LOC128092252: variants seen among roughly 807,000 people sequenced by gnomAD.
chr15:50,681,037 G>C, the LOC128092252 span, among the ~76,000 whole-genome samples: 2 of 152,236 alleles, frequency 1.3e-5, no homozygotes, highest in South Asian at 4.1e-4. Flanking sequence ...CAGATCACGA[G>C]GTCAGGAGTT....
chr15:50,649,393 C>G, the LOC128092252 span, among the ~76,000 whole-genome samples: 1 of 149,732 alleles, frequency 6.7e-6, no homozygotes, highest in Non-Finnish European at 1.5e-5. Context: ...TTGGTCACAC[C>G]ACTGTGCTCC....
the LOC128092252 span, among the ~76,000 whole-genome samples, chr15:50,684,098 A>C: frequency 6.6e-6 from 1 of 151,562 alleles, no homozygotes; most frequent in Non-Finnish European, 1.5e-5. Context: ...GTGATCCGGG[A>C]TCAGCCTGTC....
At chr15:50,659,008 C>T in the LOC128092252 span, among the ~76,000 whole-genome samples, 4 of 152,030 alleles carry the variant, frequency 2.6e-5, no homozygotes, top group Non-Finnish European at 5.9e-5. Flanking sequence ...ACCATCCTGG[C>T]TAACGCAGTG....
At chr15:50,674,016 T>C in the LOC128092252 span, among the ~76,000 whole-genome samples, 1 of 152,008 alleles carries the variant, frequency 6.6e-6, no homozygotes, top group Non-Finnish European at 1.5e-5. Context: ...TGAGATGGAG[T>C]TTTACTCTGT....
the LOC128092252 span, among the ~76,000 whole-genome samples, chr15:50,658,927 A>G: frequency 0.54 from 82,039 of 152,096 alleles, 22,365 homozygotes; most frequent in Admixed American, 0.62. Flanking sequence ...GGCCAGGCGC[A>G]GTGGCTCACG....
At chr15:50,682,081 G>C in the LOC128092252 span, among the ~76,000 whole-genome samples, 66 of 145,766 alleles carry the variant, frequency 4.5e-4, no homozygotes, top group Non-Finnish European at 7.9e-4. Context: ...GAGAGGCTGA[G>C]GCAGGAGAAT....
At chr15:50,659,858 C>T in the LOC128092252 span, among the ~76,000 whole-genome samples, 54,447 of 151,736 alleles carry the variant, frequency 0.36, 10,751 homozygotes, top group Admixed American at 0.48. Context: ...AGTAGAGACG[C>T]GGTTTCACCA....
At chr15:50,658,157 A>G in the LOC128092252 span, among the ~76,000 whole-genome samples, 1 of 152,042 alleles carries the variant, frequency 6.6e-6, no homozygotes, top group Non-Finnish European at 1.5e-5. Context: ...GGCTCCTGCC[A>G]CCATGCCCGG....
the LOC128092252 span, among the ~76,000 whole-genome samples, chr15:50,650,508 A>G: frequency 6.6e-6 from 1 of 152,154 alleles, no homozygotes; most frequent in South Asian, 2.1e-4. Context: ...CAGCCTGACC[A>G]ATATGGTGAA....
At chr15:50,677,849 A>C in the LOC128092252 span, among the ~76,000 whole-genome samples, 4 of 152,040 alleles carry the variant, frequency 2.6e-5, no homozygotes, top group African/African-American at 9.7e-5. Context: ...GGACAGGAAA[A>C]TGTGACCCAT....
chr15:50,652,504 C>A, the LOC128092252 span, among the ~76,000 whole-genome samples: 1 of 139,646 alleles, frequency 7.2e-6, no homozygotes. Flanking sequence ...CCAGCCTGGA[C>A]AATACAGCAA....
At chr15:50,686,506 G>A in the LOC128092252 span, 2 of 1,613,744 alleles carry the variant, frequency 1.2e-6, no homozygotes, top group Non-Finnish European at 1.7e-6. Flanking sequence ...ACCATTCCCC[G>A]CCCGGGCCTG....
At chr15:50,664,074 C>A in the LOC128092252 span, among the ~76,000 whole-genome samples, 1 of 151,960 alleles carries the variant, frequency 6.6e-6, no homozygotes, top group South Asian at 2.1e-4. Flanking sequence ...CTGAGGTGGG[C>A]GGATCACAAA....
At chr15:50,654,550 A>T in the LOC128092252 span, among the ~76,000 whole-genome samples, 1 of 151,308 alleles carries the variant, frequency 6.6e-6, no homozygotes, top group Admixed American at 6.6e-5. Flanking sequence ...GTAGACAAAG[A>T]CTCTAATGCA....
chr15:50,660,155 T>G, the LOC128092252 span, among the ~76,000 whole-genome samples: 1 of 152,206 alleles, frequency 6.6e-6, no homozygotes, highest in East Asian at 1.9e-4. Context: ...TAATAAAACA[T>G]ATCTTTAACA....
At chr15:50,653,543 C>T in the LOC128092252 span, among the ~76,000 whole-genome samples, 5 of 152,166 alleles carry the variant, frequency 3.3e-5, no homozygotes, top group Admixed American at 1.3e-4. Flanking sequence ...AGAAGAAACA[C>T]GAAGCTGTGA....
At chr15:50,657,966 T>C in the LOC128092252 span, 43 of 548,550 alleles carry the variant, frequency 7.8e-5, no homozygotes, top group South Asian at 6.1e-4. Context: ...TATACCTTGA[T>C]TTATAATTCA....
chr15:50,649,437 C>CAAAAA, the LOC128092252 span, among the ~76,000 whole-genome samples: 7 of 92,786 alleles, frequency 7.5e-5, no homozygotes, highest in Non-Finnish European at 1.5e-4. Flanking sequence ...GACCCCAACT[C>CAAAAA]AAAAAAAAAA....
the LOC128092252 span, among the ~76,000 whole-genome samples, chr15:50,665,490 C>T: frequency 6.6e-6 from 1 of 151,614 alleles, no homozygotes; most frequent in Non-Finnish European, 1.5e-5. Context: ...TCACTGATCA[C>T]AATGCAATTA....
Sources: gnomAD v4.1 joint callset for allele counts (sites outside exome capture counted in the v4.1 genomes callset) on GRCh38, gnomAD v4.1.1 for gene constraint, MANE v1.5 for transcripts.